Variants in CDHR5 observed in about 807,000 individuals in gnomAD.
CDHR5 encodes cadherin related family member 5.
CDHR5 carries 82 observed loss-of-function variants against 69.5 expected under a neutral mutation model. The observed-to-expected ratio is 1.18, with a 90% CI of 0.99 to 1.42. The LOEUF (loss-of-function observed/expected upper bound fraction) is 1.42. CDHR5 is among the 40% of genes most tolerant of loss of function. The pLI is 0.00. For synonymous variants in CDHR5, 601 were observed against 510.2 expected, an observed-to-expected ratio of 1.18 and a Z score of -2.40; for missense variants, 1,293 against 1,168.9, an observed-to-expected ratio of 1.11 and a Z score of -1.55.
rs143623207 is a variant in CDHR5 at position 622,570 on chromosome 11, C to T, written c.313-666G>A. On this transcript the variant is annotated intron_variant, in intron 3 of 14. Transcript: ENST00000397542. ...TGCCTCCCAGGTTCAAGCGATTCTCCTGCCTCGGCCTCTGCCCACCTCGGC... is the reference window on the plus strand; with the variant it reads ...TGCCTCCCAGGTTCAAGCGATTCTCTTGCCTCGGCCTCTGCCCACCTCGGC... Among the ~76,000 whole-genome samples, 1,074 of 152,102 alleles carry T rather than the reference C, an allele frequency of 7.1e-3. 9 individuals carry two copies. The highest frequency in any genetic ancestry group is 0.025 in the African/African-American group (1,028 of 41,470).
Position 624,240 on chromosome 11 carries a change from C to T in CDHR5, c.285G>A (p.Gln95=). Residue 95 remains glutamine (Q), a synonymous_variant, in exon 3 of 15, where the codon CAG becomes CAA. Transcript: ENST00000397542. This position sits in a 1 kb window ranked among gnomAD's most constrained non-coding sequence, Gnocchi z 5.3. ...ATGTGCCTCCGCTCTGACACAGCAG[C>T]TGAGCCTCAAGCAGTGACTTCTCCT... ...DYEEKSLLEA[Q]LLCQSGGTLV... is the part of the protein sequence containing the mutation. 1.3e-6 allele frequency: 1 copy of T among 771,458 alleles called. No homozygotes were observed. The highest frequency in any genetic ancestry group is 2.4e-6 in the Non-Finnish European group (1 of 414,314). The allele number at this position is 771,458 out of a possible 1,614,324, so 47.8% of individuals were successfully genotyped here.
At chr11:617,864 C>T (rs1309325595) in intron 14 of CDHR5, 90 bp downstream of exon 14, 10 of 1,512,764 alleles carry the variant, frequency 6.6e-6, no homozygotes, top group Non-Finnish European at 8.9e-7. Flanking sequence ...CCCTCCGTCT[C>T]CACATCTGTC....
In CDHR5 at chr11:616,892, C is replaced by G. The variant is rs1193663348; in HGVS notation, c.*459G>C. The stretch of plus-strand genomic sequence containing the variant: ...GTTTGAGACCACCGGCTCCCAAGTG[C>G]GTCGCCTTGGGGGTTTGCATCGGCT... On this transcript the variant is annotated 3_prime_UTR_variant, in exon 15 of 15. Coordinates refer to ENST00000397542, the MANE Select transcript of CDHR5 (RefSeq NM_021924.5). 5.5e-6 allele frequency: 1 copy of G among 182,524 alleles called. No individual in the cohort carries two copies. Among genetic ancestry groups the G allele is most frequent in the Non-Finnish European group, 1.2e-5 (1 of 85,440 alleles). 11.3% of individuals were successfully genotyped at this position (182,524 alleles called of 1,614,324 possible). A position where few individuals can be genotyped will look rare whatever the true frequency, so the allele number is the denominator to read the frequency against.
chr11:619,656 G>A (rs74606079), intron 10 of CDHR5, 25 bp downstream of exon 10: 47 of 1,611,576 alleles, frequency 2.9e-5, no homozygotes, highest in East Asian at 4.5e-5. Flanking sequence ...ACCCACAGAG[G>A]GGAGGCCTTG....
At chr11:619,660 G>C (rs937251608) in intron 10 of CDHR5, 21 bp downstream of exon 10, 4 of 1,611,960 alleles carry the variant, frequency 2.5e-6, no homozygotes, top group Non-Finnish European at 3.4e-6. Context: ...ACAGAGGGGA[G>C]GCCTTGGATG....
Position 618,585 on chromosome 11 carries a change from A to T in CDHR5, c.1960+14T>A. ...ACCGGAGTCAGGGAGGGAAGGCAAC[A>T]GAGTGGGTGCTACCTGAAGATGGGG... On this transcript the variant is annotated intron_variant, in intron 13 of 14. Transcript: ENST00000397542. 2 of 1,613,506 alleles carry T rather than the reference A, an allele frequency of 1.2e-6. No homozygotes were observed. Among genetic ancestry groups the T allele is most frequent in the South Asian group, 1.1e-5 (1 of 91,046 alleles).
chr11:619,869 C>T lies in CDHR5; in HGVS notation c.991G>A (p.Asp331Asn), dbSNP rs756943254. 5.3e-5 allele frequency: 82 copies of T among 1,547,646 alleles called. No homozygotes were observed. In the African/African-American group the frequency reaches 8.7e-4, roughly 16 times the overall value. The change falls in exon 10 of 15, where the codon GAC (aspartate) becomes AAC (asparagine). Residue 331 changes from aspartate (D) to asparagine (N), a missense_variant. Asp to Asn is a conservative substitution (Grantham distance 23). Transcript: ENST00000397542. ...TGGGTCACTGAGTAGCGGGCAAGGT[C>T]GGCCTGTTGGCCCTGGAGGCGGGGG... ...FLLLVKGQQA[D>N]LARYSVTQVT... is the part of the protein sequence containing the mutation.
Position 618,965 on chromosome 11 carries a change from G to A in CDHR5, c.1594C>T (p.Pro532Ser), listed in dbSNP as rs1228926866. ...GCTGTGTCCCCACCGGGAGTGGCTG[G>A]TTGGTGGGAGGTGCTGTTTTCTGCA... Reference protein sequence around the residue: ...PGAENSTSHQPATPGGDTAQT... With the variant: ...PGAENSTSHQSATPGGDTAQT... Residue 532 changes from proline (P) to serine (S), a missense_variant, in exon 13 of 15, where the codon CCA becomes TCA. By Grantham distance (74) the Pro-to-Ser change is moderately conservative. Coordinates refer to ENST00000397542, the MANE Select transcript of CDHR5 (RefSeq NM_021924.5). 2 of 1,613,658 alleles carry A rather than the reference G, an allele frequency of 1.2e-6. No homozygotes were observed. The highest frequency in any genetic ancestry group is 4.5e-5 in the East Asian group (2 of 44,842).
At position 621,976 on chromosome 11, in the gene CDHR5, G is replaced by A. The variant is rs1398890163; in HGVS notation, c.313-72C>T. The A allele has an allele frequency of 9.0e-6, 11 of 1,221,858 alleles. No homozygotes were observed. Among genetic ancestry groups the A allele is most frequent in the South Asian group, 4.0e-5 (3 of 74,892 alleles). The allele number at this position is 1,221,858 out of a possible 1,614,324, so 75.7% of individuals were successfully genotyped here. On this transcript the variant is annotated intron_variant, in intron 3 of 14. Transcript: ENST00000397542. This position sits in a 1 kb window ranked among gnomAD's most constrained non-coding sequence, Gnocchi z 4.4. ...GAGGTGCACCCCTCGACGGCTATCCGTCCCCACCGTGAGTGAGGTGCACCC... is the reference window on the plus strand; with the variant it reads ...GAGGTGCACCCCTCGACGGCTATCCATCCCCACCGTGAGTGAGGTGCACCC...
rs146899204 is a variant in CDHR5 at position 618,918 on chromosome 11, G to T, written c.1641C>A (p.Thr547=). The T allele has an allele frequency of 2.5e-6, 4 of 1,609,096 alleles. No individual in the cohort carries two copies. In the African/African-American group the frequency reaches 5.4e-5, roughly 22 times the overall value. ...CCACACCGGGGGGCATCGGCTGAGA[G>T]GTTCCTGGCTTTGGGGTCTGTGCTG... The part of the protein sequence containing the change: ...GDTAQTPKPG[T]SQPMPPGVGT... Residue 547 remains threonine (T), a synonymous_variant, in exon 13 of 15, where the codon ACC becomes ACA. Coordinates refer to ENST00000397542, the MANE Select transcript of CDHR5 (RefSeq NM_021924.5).
chr11:621,629 G>C lies in CDHR5; in HGVS notation c.440C>G (p.Thr147Arg). The C allele has an allele frequency of 3.1e-6, 5 of 1,613,726 alleles. No individual in the cohort carries two copies. The highest frequency in any genetic ancestry group is 4.2e-6 in the Non-Finnish European group (5 of 1,179,716). ...GTCGCGGTCCTCAGCCTGCAGTTGCGTCTCGGGGATGACGGTGGAGTTCAC... is the reference window on the plus strand; with the variant it reads ...GTCGCGGTCCTCAGCCTGCAGTTGCCTCTCGGGGATGACGGTGGAGTTCAC... Reference protein sequence around the residue: ...TKVNSTVIPETQLQAEDRDKD... With the variant: ...TKVNSTVIPERQLQAEDRDKD... Residue 147 changes from threonine (T) to arginine (R), a missense_variant, in exon 5 of 15, where the codon ACG becomes AGG. Physicochemically the swap from Thr to Arg is moderately conservative, Grantham distance 71. Coordinates refer to ENST00000397542, the MANE Select transcript of CDHR5 (RefSeq NM_021924.5). This position sits in a 1 kb window ranked among gnomAD's most constrained non-coding sequence, Gnocchi z 4.4.
chr11:619,693 G>A lies in CDHR5; in HGVS notation c.1167C>T (p.Asp389=), dbSNP rs1255493420. The change falls in exon 10 of 15, where the codon GAC becomes GAT. Residue 389 remains aspartate (D), a synonymous_variant. Transcript: ENST00000397542. ...PSQPLRIQAQ[D]PEFSDLNSAI... is the part of the protein sequence containing the mutation. The stretch of plus-strand genomic sequence containing the variant: ...ATGCACTCTCTACCGAGAACTCCGG[G>A]TCCTGAGCCTGGATCCTCAGAGGCT... 5.6e-6 allele frequency: 9 copies of A among 1,613,300 alleles called. No individual in the cohort carries two copies. Among genetic ancestry groups the A allele is most frequent in the Admixed American group, 1.7e-5 (1 of 60,004 alleles).
In CDHR5 at chr11:619,529, C is replaced by T. The variant is rs148760538; in HGVS notation, c.1238G>A (p.Gly413Glu). Reference protein sequence around the residue: ...ITNHSHFRMEGEVVLTTTTLA... With the variant: ...ITNHSHFRMEEEVVLTTTTLA... ...TGTGGTGGTGGTCAGCACAACCTCT[C>T]CCTCCATCCGGAAGTGTGAGTGGTT... Residue 413 changes from glycine to glutamate, a missense_variant, in exon 11 of 15, where the codon GGA becomes GAA. Coordinates refer to ENST00000397542, the MANE Select transcript of CDHR5 (RefSeq NM_021924.5). The T allele has an allele frequency of 3.3e-5, 53 of 1,613,986 alleles. No individual in the cohort carries two copies. The highest frequency in any genetic ancestry group is 1.0e-4 in the Admixed American group (6 of 60,016).
Position 619,559 on chromosome 11 carries a change from A to C in CDHR5, c.1208T>G (p.Ile403Ser). ...CATCCGGAAGTGTGAGTGGTTGGTA[A>C]TTCGATATGTGATGGCCGAGTTGAG... ...SDLNSAITYR[I>S]TNHSHFRMEG... Residue 403 changes from isoleucine to serine, a missense_variant, in exon 11 of 15, where the codon ATT becomes AGT. Physicochemically the swap from Ile to Ser is moderately radical, Grantham distance 142. Transcript: ENST00000397542. 1.9e-6 allele frequency: 3 copies of C among 1,613,906 alleles called. No homozygotes were observed. Among genetic ancestry groups the C allele is most frequent in the Non-Finnish European group, 1.7e-6 (2 of 1,179,904 alleles).
chr11:617,845 G>A (rs905116432), intron 14 of CDHR5, 75 bp from the exon 15 acceptor site: 17 of 1,478,618 alleles, frequency 1.1e-5, no homozygotes, highest in Non-Finnish European at 1.4e-5. Flanking sequence ...CTCATTCCAC[G>A]CTGGACACCC....
chr11:621,184 G>T lies in CDHR5; in HGVS notation c.685C>A (p.Pro229Thr). The T allele has an allele frequency of 2.5e-6, 4 of 1,605,802 alleles. No individual in the cohort carries two copies. Among genetic ancestry groups the T allele is most frequent in the Non-Finnish European group, 3.4e-6 (4 of 1,175,760 alleles). The part of the protein sequence containing the change: ...ATATLVLNVV[P>T]ADLRPPWFLP... ...AACCACGGGGGCCGCAGGTCGGCGG[G>T]CACCACGTTCAGCACTAGTGTGGCG... Residue 229 changes from proline (P) to threonine (T), a missense_variant, in exon 7 of 15, where the codon CCC becomes ACC. Pro to Thr is a conservative substitution (Grantham distance 38, BLOSUM62 -1). Coordinates refer to ENST00000397542, the MANE Select transcript of CDHR5 (RefSeq NM_021924.5). The surrounding 1 kb of genome is among the most constrained non-coding windows in gnomAD (Gnocchi z 4.4).
chr11:621,945 CGTT>C lies in CDHR5; in HGVS notation c.313-44_313-42del, dbSNP rs772711197. On this transcript the variant is annotated intron_variant, in intron 3 of 14. Transcript: ENST00000397542. The surrounding 1 kb of genome is among the most constrained non-coding windows in gnomAD (Gnocchi z 4.4). ...GTCAGCCTCTCCCACAGCCCCTCCC[CGTT>C]GTGAGGTGCACCCCTCGACGGCTAT... 7 of 1,509,788 alleles carry C rather than the reference CGTT, an allele frequency of 4.6e-6. No homozygotes were observed. The highest frequency in any genetic ancestry group is 1.2e-5 in the South Asian group (1 of 86,654). The allele number at this position is 1,509,788 out of a possible 1,614,324, so 93.5% of individuals were successfully genotyped here.
Position 619,455 on chromosome 11 carries a change from C to A in CDHR5, c.1293+19G>T. Reference sequence around the variant, plus strand: ...TAAGCCCCACACCCTTGGAGATGCCCGCCTGCCCTGCCCCGCACCTCTGCG... The same window carrying A: ...TAAGCCCCACACCCTTGGAGATGCCAGCCTGCCCTGCCCCGCACCTCTGCG... On this transcript the variant is annotated intron_variant, in intron 11 of 14. Transcript: ENST00000397542. The A allele has an allele frequency of 1.2e-6, 2 of 1,608,006 alleles. No individual in the cohort carries two copies. The highest frequency in any genetic ancestry group is 1.7e-6 in the Non-Finnish European group (2 of 1,174,580).
chr11:618,543 T>G, intron 13 of CDHR5, 56 bp downstream of exon 13: 1 of 1,597,012 alleles, frequency 6.3e-7, no homozygotes, highest in African/African-American at 1.3e-5. Context: ...CTACAGCGTT[T>G]CCCATACCAG....
Sources: allele counts gnomAD v4.1 joint callset (sites outside exome capture counted in the v4.1 genomes callset), GRCh38; gene constraint gnomAD v4.1.1; non-coding constraint Gnocchi (gnomAD v3.1); transcripts MANE v1.5; gene names NCBI Gene and HGNC (gene_info 2026-07-23, HGNC 2026-07-21).